WNT2: variants seen among roughly 807,000 people sequenced by gnomAD.
The protein encoded by WNT2 is Wnt family member 2.
In WNT2, 12 loss-of-function variants were observed where a neutral mutation model predicts 36.9. The ratio of observed to expected loss-of-function variants is 0.33; its 90% confidence interval spans 0.21 to 0.53. The LOEUF is 0.53. WNT2 is among the 20% of genes least tolerant of loss of function. The pLI is 0.95. For missense variants in WNT2, 379 were observed against 473.1 expected (o/e 0.80, Z 1.84); for synonymous variants, 163 against 174.6 (o/e 0.93, Z 0.52).
chr7:117,278,445 G>A, intron 4 of WNT2, 61 bp from the exon 5 acceptor site: 2 of 1,500,600 alleles, frequency 1.3e-6, no homozygotes, highest in South Asian at 2.5e-5. Flanking sequence ...TATGCCTCCA[G>A]AGGAGGAGTC....
chr7:117,286,409 T>C (rs1439642886), intron 4 of WNT2, among the ~76,000 whole-genome samples: 3 of 151,364 alleles, frequency 2.0e-5, no homozygotes, highest in Non-Finnish European at 4.4e-5. Flanking sequence ...CAATCTCTCT[T>C]TCTCTCTCTC....
In WNT2 at chr7:117,278,076, A is replaced by G. The variant is rs1690063049; in HGVS notation, c.*79T>C. 6.7e-7 allele frequency: 1 copy of G among 1,498,118 alleles called. No individual in the cohort carries two copies. The highest frequency in any genetic ancestry group is 9.2e-7 in the Non-Finnish European group (1 of 1,086,966). 92.8% of individuals were successfully genotyped at this position (1,498,118 alleles called of 1,614,324 possible). On this transcript the variant is annotated 3_prime_UTR_variant, in exon 5 of 5. Transcript: ENST00000265441. The stretch of plus-strand genomic sequence containing the variant: ...TGCCTTAGGAAATATCCCCCCAGAA[A>G]GAACCCAAAGGTCCAGTGTTCTTGC...
intron 2 of WNT2, 95 bp from the exon 3 acceptor site, chr7:117,315,443 CA>C (rs1334259373): frequency 7.6e-7 from 1 of 1,308,584 alleles, no homozygotes; most frequent in Non-Finnish European, 1.0e-6. Context: ...CTGTTTCAGA[CA>C]ACCTTTGCCA....
Position 117,322,268 on chromosome 7 carries a change from G to C in WNT2, c.83+639C>G, listed in dbSNP as rs1795344205. On this transcript the variant is annotated intron_variant, in intron 1 of 4. Transcript: ENST00000265441. This position sits in a 1 kb window ranked among gnomAD's most constrained non-coding sequence, Gnocchi z 5.4. ...CAGCAAAGTTACTCTTCGCGGGGACGGTTGTGAACAAGGTAACATCTTAGA... is the reference window on the plus strand; with the variant it reads ...CAGCAAAGTTACTCTTCGCGGGGACCGTTGTGAACAAGGTAACATCTTAGA... 1 of 152,154 alleles carries C rather than the reference G, an allele frequency of 6.6e-6. No homozygotes were observed. The allele number at this position is 152,154 out of a possible 1,614,324, so 9.4% of individuals were successfully genotyped here. A position where few individuals can be genotyped will look rare whatever the true frequency, so the allele number is the denominator to read the frequency against.
chr7:117,305,918 G>C (rs563073799), intron 3 of WNT2, among the ~76,000 whole-genome samples: 2 of 152,290 alleles, frequency 1.3e-5, no homozygotes, highest in Middle Eastern at 3.4e-3. Flanking sequence ...TCTGCTCATG[G>C]GGAGAAGGGA....
chr7:117,288,543 G>A (rs752166780), intron 4 of WNT2, among the ~76,000 whole-genome samples: 5 of 152,110 alleles, frequency 3.3e-5, no homozygotes, highest in East Asian at 1.9e-4. Flanking sequence ...GTATTTTAAC[G>A]TCATCCTTTT....
chr7:117,284,041 T>C lies in WNT2; in HGVS notation c.854-5657A>G, dbSNP rs1794541021. On this transcript the variant is annotated intron_variant, in intron 4 of 4. Transcript: ENST00000265441. This position sits in a 1 kb window ranked among gnomAD's most constrained non-coding sequence, Gnocchi z 5.2. Reference sequence around the variant, plus strand: ...AGCTGGAAGGGAGGATGAGGCTGCCTAGTGATGGATGACAAATTGGCCCTG... The same window carrying C: ...AGCTGGAAGGGAGGATGAGGCTGCCCAGTGATGGATGACAAATTGGCCCTG... Among the ~76,000 whole-genome samples the C allele has an allele frequency of 6.6e-6, 1 of 152,154 alleles. No homozygotes were observed. Among genetic ancestry groups the C allele is most frequent in the South Asian group, 2.1e-4 (1 of 4,822 alleles).
intron 2 of WNT2, 78 bp downstream of exon 2, chr7:117,320,489 G>A (rs569512142): frequency 1.8e-4 from 244 of 1,361,524 alleles, no homozygotes; most frequent in Non-Finnish European, 2.3e-4. Flanking sequence ...TAGAAGATAA[G>A]CAGGGTCTTT....
intron 4 of WNT2, among the ~76,000 whole-genome samples, chr7:117,280,600 C>G (rs767372631): frequency 6.6e-6 from 1 of 152,284 alleles, no homozygotes; most frequent in Non-Finnish European, 1.5e-5. Context: ...CAAAGACAGT[C>G]AAATGAGGTT....
intron 1 of WNT2, among the ~76,000 whole-genome samples, chr7:117,321,586 C>T (rs758367023): frequency 6.6e-6 from 1 of 152,152 alleles, no homozygotes; most frequent in Non-Finnish European, 1.5e-5. Flanking sequence ...CCCAAGCTGC[C>T]ATAGGTGTCT....
At chr7:117,281,628 G>A (rs766512109) in intron 4 of WNT2, among the ~76,000 whole-genome samples, 29 of 152,068 alleles carry the variant, frequency 1.9e-4, no homozygotes, top group Non-Finnish European at 3.8e-4. Flanking sequence ...AAACTAGGTC[G>A]CGAAGGTAAG....
At chr7:117,291,849 CTCA>C (rs1794695226) in intron 4 of WNT2, among the ~76,000 whole-genome samples, 5 of 151,198 alleles carry the variant, frequency 3.3e-5, no homozygotes, top group African/African-American at 1.2e-4. Flanking sequence ...GTGATCTCGG[CTCA>C]CCACAACCTC....
chr7:117,291,119 G>T (rs1794681642), intron 4 of WNT2, among the ~76,000 whole-genome samples: 1 of 152,200 alleles, frequency 6.6e-6, no homozygotes, highest in Non-Finnish European at 1.5e-5. Context: ...TTGGGATTGT[G>T]TACCCATGGG....
intron 3 of WNT2, among the ~76,000 whole-genome samples, chr7:117,298,268 T>C (rs1794833043): frequency 6.6e-6 from 1 of 152,204 alleles, no homozygotes; most frequent in South Asian, 2.1e-4. Flanking sequence ...AATAAAATAA[T>C]ATAAAAATGT....
intron 3 of WNT2, among the ~76,000 whole-genome samples, chr7:117,302,354 G>A (rs188771140): frequency 6.6e-6 from 1 of 152,228 alleles, no homozygotes; most frequent in East Asian, 1.9e-4. Context: ...AGCAAAAATT[G>A]TAAAAATGTC....
At chr7:117,311,615 A>G (rs749021544) in intron 3 of WNT2, among the ~76,000 whole-genome samples, 2 of 152,246 alleles carry the variant, frequency 1.3e-5, no homozygotes, top group Non-Finnish European at 2.9e-5. Flanking sequence ...TTTTATTAGT[A>G]TGTTAACTGA....
At chr7:117,310,126 T>C (rs1409115004) in intron 3 of WNT2, among the ~76,000 whole-genome samples, 2 of 152,088 alleles carry the variant, frequency 1.3e-5, no homozygotes, top group African/African-American at 4.8e-5. Flanking sequence ...GGGTCAAACT[T>C]TGATAGCTAT....
Position 117,315,247 on chromosome 7 carries a change from C to T in WNT2, c.412G>A (p.Asp138Asn). The T allele has an allele frequency of 6.2e-7, 1 of 1,614,204 alleles. No homozygotes were observed. Among genetic ancestry groups the T allele is most frequent in the African/African-American group, 1.3e-5 (1 of 75,058 alleles). Residue 138 changes from aspartate to asparagine, a missense_variant, in exon 3 of 5, where the codon GAT becomes AAT. By Grantham distance (23) the Asp-to-Asn change is conservative. Transcript: ENST00000265441. Reference sequence around the variant, plus strand: ...TTGGCGCTTCCCATCTTCTTTGGATCACAGGAACAGGATTTTACTTCTCCT... The same window carrying T: ...TTGGCGCTTCCCATCTTCTTTGGATTACAGGAACAGGATTTTACTTCTCCT... ...SQGEVKSCSC[D>N]PKKMGSAKDS...
At chr7:117,310,169 C>T (rs185558995) in intron 3 of WNT2, among the ~76,000 whole-genome samples, 17 of 152,266 alleles carry the variant, frequency 1.1e-4, no homozygotes, top group African/African-American at 3.4e-4. Flanking sequence ...GAGAAATTAA[C>T]AAATGCATGA....
Sources: allele counts gnomAD v4.1 joint callset (sites outside exome capture counted in the v4.1 genomes callset), GRCh38; gene constraint gnomAD v4.1.1; non-coding constraint Gnocchi (gnomAD v3.1); transcripts MANE v1.5; gene names NCBI Gene and HGNC (gene_info 2026-07-23, HGNC 2026-07-21).